The following PTK2B variants were observed in gnomAD, a reference collection of about 807,000 sequenced individuals.
The protein encoded by PTK2B is protein tyrosine kinase 2 beta, also known as protein-tyrosine kinase 2-beta.
PTK2B carries 71 observed loss-of-function variants against 142.9 expected under a neutral mutation model. The observed-to-expected ratio is 0.50, with a 90% CI of 0.41 to 0.61. PTK2B has a LOEUF of 0.61. PTK2B is among the 20% of genes least tolerant of loss of function. The pLI, the probability that PTK2B is intolerant of heterozygous loss-of-function variation, is 0.00. For synonymous variants in PTK2B, 519 were observed against 503.4 expected, an observed-to-expected ratio of 1.03 and a Z score of -0.42; for missense variants, 1,105 against 1,320.4, an observed-to-expected ratio of 0.84 and a Z score of 2.53.
chr8:27,439,677 C>T (rs778411661), intron 20 of PTK2B, among the ~76,000 whole-genome samples: 3 of 151,990 alleles, frequency 2.0e-5, no homozygotes, highest in Non-Finnish European at 2.9e-5. Flanking sequence ...GAAACTAAGA[C>T]GAAACTCTGT....
chr8:27,448,497 T>A (rs1811614028), intron 24 of PTK2B, among the ~76,000 whole-genome samples: 2 of 152,256 alleles, frequency 1.3e-5, no homozygotes, highest in Admixed American at 6.5e-5. Context: ...TTGGAAGGCA[T>A]CAGGATGTCT....
intron 1 of PTK2B, among the ~76,000 whole-genome samples, chr8:27,349,320 G>T (rs1804903521): frequency 6.6e-6 from 1 of 152,132 alleles, no homozygotes; most frequent in African/African-American, 2.4e-5. Flanking sequence ...TTTCTAGAGG[G>T]GTTGGAATAT....
chr8:27,435,763 A>G lies in PTK2B; in HGVS notation c.1213A>G (p.Ile405Val). The G allele has an allele frequency of 6.2e-7, 1 of 1,614,122 alleles. No individual in the cohort carries two copies. The highest frequency in any genetic ancestry group is 8.5e-7 in the Non-Finnish European group (1 of 1,180,026). ...TCCAGAGTCAGACATCTACGCAGAG[A>G]TTCCCGACGAAACCCTGCGAAGGCC... ...CSIESDIYAE[I>V]PDETLRRPGG... The change falls in exon 14 of 31, where the codon ATT (isoleucine) becomes GTT (valine). Residue 405 changes from isoleucine (I) to valine (V), a missense_variant. Ile to Val is a conservative substitution (Grantham distance 29, BLOSUM62 3). Transcript: ENST00000346049.
intron 1 of PTK2B, among the ~76,000 whole-genome samples, chr8:27,387,342 A>T (rs1452332601): frequency 6.6e-6 from 1 of 152,212 alleles, no homozygotes; most frequent in African/African-American, 2.4e-5. Context: ...GCAAGGGTGC[A>T]AATGCTATGA....
chr8:27,408,222 C>T lies in PTK2B; in HGVS notation c.204+10434C>T, dbSNP rs561570263. Among the ~76,000 whole-genome samples, 7 of 152,276 alleles carry T rather than the reference C, an allele frequency of 4.6e-5. No homozygotes were observed. The South Asian group carries it at 8.3e-4, about 18-fold the overall frequency. ...GAACCTCTTTTCCCCCACAGAAATC[C>T]GGCCATAAAACCTAAAAGTATTCCA... On this transcript the variant is annotated intron_variant, in intron 2 of 30. Coordinates refer to ENST00000346049, the MANE Select transcript of PTK2B (RefSeq NM_173176.3).
chr8:27,375,152 T>G (rs1436696860), intron 1 of PTK2B, among the ~76,000 whole-genome samples: 1 of 152,140 alleles, frequency 6.6e-6, no homozygotes, highest in Non-Finnish European at 1.5e-5. Context: ...CTCACAATCA[T>G]GAGGAGGACA....
chr8:27,340,895 G>A (rs539656439), intron 1 of PTK2B, among the ~76,000 whole-genome samples: 166 of 152,346 alleles, frequency 1.1e-3, no homozygotes, highest in Non-Finnish European at 1.9e-3. Context: ...TGCTGTTTGC[G>A]TATGTGCAGT....
intron 1 of PTK2B, among the ~76,000 whole-genome samples, chr8:27,391,110 C>G (rs973998836): frequency 1.3e-5 from 2 of 149,018 alleles, no homozygotes; most frequent in Admixed American, 1.3e-4. Context: ...GGTGAAGTTT[C>G]GCTCTTTTCC....
chr8:27,437,382 C>G lies in PTK2B; in HGVS notation c.1427-14C>G. 6.2e-7 allele frequency: 1 copy of G among 1,605,086 alleles called. No homozygotes were observed. The highest frequency in any genetic ancestry group is 8.5e-7 in the Non-Finnish European group (1 of 1,174,978). ...AGCCGCTCCACCTGTCCCTCTTGCC[C>G]CACCACACTGCAGTGATCATGAAGA... On this transcript the variant is annotated splice_polypyrimidine_tract_variant and intron_variant, in intron 16 of 30. Transcript: ENST00000346049.
chr8:27,414,289 G>C (rs192582604), intron 2 of PTK2B, among the ~76,000 whole-genome samples: 9 of 152,002 alleles, frequency 5.9e-5, no homozygotes, highest in African/African-American at 2.2e-4. Context: ...CTGTTGCCCA[G>C]GCTGGAGTTC....
chr8:27,454,091 G>GA (rs1343359786), intron 28 of PTK2B, 63 bp from the exon 29 acceptor site: 4 of 1,602,048 alleles, frequency 2.5e-6, no homozygotes, highest in Non-Finnish European at 3.4e-6. Context: ...GCCTGCCCAG[G>GA]AAAGAATCAT....
chr8:27,437,972 C>A, intron 18 of PTK2B, 92 bp downstream of exon 18: 1 of 1,135,282 alleles, frequency 8.8e-7, no homozygotes, highest in Non-Finnish European at 1.3e-6. Flanking sequence ...GTGGGTGACA[C>A]AGAGCAGTGT....
chr8:27,386,483 T>C (rs747403843), intron 1 of PTK2B, among the ~76,000 whole-genome samples: 5 of 152,126 alleles, frequency 3.3e-5, no homozygotes, highest in Non-Finnish European at 7.4e-5. Context: ...GTTTAATAGG[T>C]TTATGGTGGT....
In PTK2B at chr8:27,424,060, C is replaced by T. The variant is rs1809924097; in HGVS notation, c.551+1677C>T. Among the ~76,000 whole-genome samples, 3 of 152,106 alleles carry T rather than the reference C, an allele frequency of 2.0e-5. No individual in the cohort carries two copies. The South Asian group carries it at 6.2e-4, about 32-fold the overall frequency. ...TCATCCCTTCTCAGACTGCTCGGCTCCTATGACTTGCATTACATCCTGTAC... is the reference window on the plus strand; with the variant it reads ...TCATCCCTTCTCAGACTGCTCGGCTTCTATGACTTGCATTACATCCTGTAC... On this transcript the variant is annotated intron_variant, in intron 5 of 30. Transcript: ENST00000346049.
chr8:27,440,489 C>T, intron 21 of PTK2B, 48 bp downstream of exon 21: 2 of 1,584,268 alleles, frequency 1.3e-6, no homozygotes, highest in South Asian at 2.2e-5. Flanking sequence ...CCGGCTGCAC[C>T]AGGGAGCAAG....
chr8:27,365,133 G>C (rs1805943556), intron 1 of PTK2B, among the ~76,000 whole-genome samples: 1 of 152,226 alleles, frequency 6.6e-6, no homozygotes, highest in South Asian at 2.1e-4. Flanking sequence ...CCCATGAGAT[G>C]AAATTAACTT....
rs377465549 is a variant in PTK2B, at chr8:27,391,143, CA to C, written c.-37-6403del. ...TCCCCCAGTCTGGAGTGCAATGGTGCAATCTCGGCTCGGTGCAATCTCGGCT... is the reference window on the plus strand; with the variant it reads ...TCCCCCAGTCTGGAGTGCAATGGTGCATCTCGGCTCGGTGCAATCTCGGCT... On this transcript the variant is annotated intron_variant, in intron 1 of 30. Transcript: ENST00000346049. Among the ~76,000 whole-genome samples the C allele has an allele frequency of 1.7e-3, 249 of 149,938 alleles. 3 individuals are homozygous for C. Among genetic ancestry groups the C allele is most frequent in the African/African-American group, 6.0e-3 (240 of 39,998 alleles).
At chr8:27,372,172 A>G (rs1240499371) in intron 1 of PTK2B, among the ~76,000 whole-genome samples, 1 of 152,246 alleles carries the variant, frequency 6.6e-6, no homozygotes, top group African/African-American at 2.4e-5. Flanking sequence ...TTCATTTGAT[A>G]AAATCTTCAG....
chr8:27,444,182 G>T, intron 22 of PTK2B, 24 bp from the exon 23 acceptor site: 1 of 1,599,444 alleles, frequency 6.3e-7, no homozygotes, highest in South Asian at 1.1e-5. Flanking sequence ...GACAGAGACT[G>T]ACCCATCTGT....
Sources: allele counts gnomAD v4.1 joint callset (sites outside exome capture counted in the v4.1 genomes callset), GRCh38; gene constraint gnomAD v4.1.1; transcripts MANE v1.5; gene names NCBI Gene and HGNC (gene_info 2026-07-23, HGNC 2026-07-21).